The following COX15 variants were observed in gnomAD, a reference collection of about 807,000 sequenced individuals.
The protein encoded by COX15 is cytochrome c oxidase assembly factor COX15.
COX15 carries 51 observed loss-of-function variants against 51.9 expected under a neutral mutation model. That is an observed-to-expected ratio of 0.98 (90% CI 0.78 to 1.24). COX15 has a LOEUF of 1.24. Ranked by LOEUF, COX15 falls within the 50% of genes most tolerant of loss-of-function variation. The probability of loss-of-function intolerance (pLI) is 0.00; values close to 1 mark genes in which losing one functional copy is unlikely to be tolerated. For synonymous variants in COX15, 188 were observed against 190.5 expected, an observed-to-expected ratio of 0.99 and a Z score of 0.11; for missense variants, 420 against 501.1, an observed-to-expected ratio of 0.84 and a Z score of 1.55.
Position 99,713,144 on chromosome 10 carries a change from T to A in COX15, c.*1443A>T. 1 of 1,317,214 alleles carries A rather than the reference T, an allele frequency of 7.6e-7. No homozygotes were observed. The highest frequency in any genetic ancestry group is 9.7e-7 in the Non-Finnish European group (1 of 1,027,784). The allele number at this position is 1,317,214 out of a possible 1,614,324, so 81.6% of individuals were successfully genotyped here. On this transcript the variant is annotated 3_prime_UTR_variant, in exon 9 of 9. Coordinates refer to ENST00000016171, the MANE Select transcript of COX15 (RefSeq NM_078470.6). ...ACACTTCTACTGATAAAACCTGAAG[T>A]ACCACTAATTTTTCTGTTATCATAT...
intron 4 of COX15, among the ~76,000 whole-genome samples, chr10:99,725,669 T>G (rs2036926778): frequency 6.6e-6 from 1 of 152,264 alleles, no homozygotes; most frequent in East Asian, 1.9e-4. Context: ...AATCAATTCT[T>G]CTGCCTCAGC....
rs781670775 is a variant in COX15, at chr10:99,721,077, G to GA, written c.751-10dup. 72 of 1,607,276 alleles carry GA rather than the reference G, an allele frequency of 4.5e-5. No homozygotes were observed. The highest frequency in any genetic ancestry group is 5.4e-5 in the Non-Finnish European group (64 of 1,176,420). ...TGGTGGGTTTCAGGCAACTAAATATGAAAAAAAATCATTCAGTTAAACTGT... is the reference window on the plus strand; with the variant it reads ...TGGTGGGTTTCAGGCAACTAAATATGAAAAAAAAATCATTCAGTTAAACTGT... On this transcript the variant is annotated splice_polypyrimidine_tract_variant and intron_variant, in intron 5 of 8. Transcript: ENST00000016171.
chr10:99,727,367 C>T (rs1451886574), intron 3 of COX15, 74 bp downstream of exon 3: 1 of 1,583,582 alleles, frequency 6.3e-7, no homozygotes, highest in Non-Finnish European at 8.6e-7. Flanking sequence ...ATAATCTAAC[C>T]ATTCTGAAGG....
intron 4 of COX15, 66 bp downstream of exon 4, chr10:99,726,902 A>AC (rs2036970550): frequency 1.3e-6 from 2 of 1,492,968 alleles, no homozygotes; most frequent in Non-Finnish European, 1.8e-6. Context: ...AAAAAAAAAA[A>AC]AAAACAATGC....
chr10:99,727,124 G>C lies in COX15; in HGVS notation c.426C>G (p.Phe142Leu). The change falls in exon 4 of 9, where the codon TTC (phenylalanine) becomes TTG (leucine). Residue 142 changes from phenylalanine (F) to leucine (L), a missense_variant. Physicochemically the swap from Phe to Leu is conservative, Grantham distance 22. Transcript: ENST00000016171. ...ILNHDMTLTE[F>L]KFIWYMEYSH... ...AGTACTCCATGTACCAGATGAACTT[G>C]AATTCTGTCAGTGTCATATCATGAT... 6.2e-7 allele frequency: 1 copy of C among 1,614,184 alleles called. No individual in the cohort carries two copies.
Position 99,714,271 on chromosome 10 carries a change from T to C in COX15, c.*316A>G, listed in dbSNP as rs115979585. Reference sequence around the variant, plus strand: ...AACATCCACGTAGAAATCATCCACGTAGAACCAAGAGCTTGCCAACACTGA... The same window carrying C: ...AACATCCACGTAGAAATCATCCACGCAGAACCAAGAGCTTGCCAACACTGA... On this transcript the variant is annotated 3_prime_UTR_variant, in exon 9 of 9. Transcript: ENST00000016171. 3,333 of 1,192,000 alleles carry C rather than the reference T, an allele frequency of 2.8e-3. 73 individuals are homozygous for C. In the African/African-American group the frequency reaches 0.047, roughly 17 times the overall value. 73.8% of individuals were successfully genotyped at this position (1,192,000 alleles called of 1,614,324 possible).
chr10:99,716,525 G>T, intron 7 of COX15, 64 bp from the exon 8 acceptor site: 1 of 1,131,698 alleles, frequency 8.8e-7, no homozygotes, highest in Non-Finnish European at 1.3e-6. Flanking sequence ...CACCTTACAT[G>T]TATCTCCTCT....
Position 99,721,085 on chromosome 10 carries a change from AT to A in COX15, c.751-18del, listed in dbSNP as rs746209356. The A allele has an allele frequency of 4.4e-6, 7 of 1,601,116 alleles. No homozygotes were observed. The African/African-American group carries it at 9.4e-5, about 21-fold the overall frequency. Reference sequence around the variant, plus strand: ...TTCAGGCAACTAAATATGAAAAAAAATCATTCAGTTAAACTGTGTTGCAGGA... The same window carrying A: ...TTCAGGCAACTAAATATGAAAAAAAACATTCAGTTAAACTGTGTTGCAGGA... On this transcript the variant is annotated intron_variant, in intron 5 of 8. Transcript: ENST00000016171.
At chr10:99,731,845 G>GT in intron 1 of COX15, 115 bp downstream of exon 1, 2 of 1,329,360 alleles carry the variant, frequency 1.5e-6, no homozygotes, top group Non-Finnish European at 2.1e-6. Context: ...CCTATGCGTT[G>GT]TGAGTGCACT....
the COX15 span, chr10:99,696,095 T>C: frequency 1.2e-6 from 2 of 1,613,742 alleles, no homozygotes; most frequent in Non-Finnish European, 1.7e-6. Flanking sequence ...GAAGACCTTG[T>C]TCTGAATGAA....
chr10:99,712,955 A>G lies in COX15; in HGVS notation c.*1632T>C, dbSNP rs1564643073. On this transcript the variant is annotated 3_prime_UTR_variant, in exon 9 of 9. Transcript: ENST00000016171. ...TCTCCAGATGTTCTCTGCTCCAGTTAAATATCCCTAGTTCCTTCACCTATT... is the reference window on the plus strand; with the variant it reads ...TCTCCAGATGTTCTCTGCTCCAGTTGAATATCCCTAGTTCCTTCACCTATT... 5.3e-6 allele frequency: 5 copies of G among 943,198 alleles called. No homozygotes were observed. The highest frequency in any genetic ancestry group is 5.4e-5 in the Admixed American group (1 of 18,386). 58.4% of individuals were successfully genotyped at this position (943,198 alleles called of 1,614,324 possible).
In COX15 at chr10:99,714,624, AGAGCACCAGT is replaced by A; in HGVS notation, c.1186_1195del (p.Thr396PhefsTer3). 9 of 1,614,184 alleles carry A rather than the reference AGAGCACCAGT, an allele frequency of 5.6e-6. No homozygotes were observed. Among genetic ancestry groups the A allele is most frequent in the Non-Finnish European group, 7.6e-6 (9 of 1,180,026 alleles). On this transcript the variant is annotated frameshift_variant, in exon 9 of 9. Coordinates refer to ENST00000016171, the MANE Select transcript of COX15 (RefSeq NM_078470.6). LOFTEE classifies it high-confidence loss of function. ...TCTTCGGAGTTCATTCATCAGCCAA[AGAGCACCAGT>A]GAGCAAAGCCAAGGAGCCTGACTGG...
the COX15 span, among the ~76,000 whole-genome samples, chr10:99,701,570 G>A: frequency 2.0e-5 from 3 of 151,714 alleles, no homozygotes; most frequent in African/African-American, 7.3e-5. Flanking sequence ...TTACAGGTAT[G>A]AGCCACCGGG....
Position 99,711,043 on chromosome 10 carries a change from T to C in COX15, c.*3544A>G, listed in dbSNP as rs997337758. On this transcript the variant is annotated 3_prime_UTR_variant, in exon 9 of 9. Coordinates refer to ENST00000016171, the MANE Select transcript of COX15 (RefSeq NM_078470.6). ...TCTGTAATTATCCATTTTCCATTCA[T>C]GCATTCACTAATTCAATATTTGATA... The C allele has an allele frequency of 2.0e-6, 2 of 985,354 alleles. No homozygotes were observed. The highest frequency in any genetic ancestry group is 2.4e-6 in the Non-Finnish European group (2 of 829,860). 61.0% of individuals were successfully genotyped at this position (985,354 alleles called of 1,614,324 possible). A position where few individuals can be genotyped will look rare whatever the true frequency, so the allele number is the denominator to read the frequency against.
chr10:99,708,127 A>AT (rs2036288450), downstream of COX15, among the ~76,000 whole-genome samples: 1 of 152,046 alleles, frequency 6.6e-6, no homozygotes, highest in South Asian at 2.1e-4. Context: ...CCAATCTTCT[A>AT]TTTATTCTCC....
chr10:99,728,545 A>G (rs2037035232), intron 2 of COX15, among the ~76,000 whole-genome samples: 1 of 152,228 alleles, frequency 6.6e-6, no homozygotes, highest in Non-Finnish European at 1.5e-5. Context: ...TGAGCTAATA[A>G]AATATTATAA....
the COX15 span, chr10:99,702,627 T>C: frequency 4.3e-6 from 7 of 1,613,634 alleles, no homozygotes; most frequent in Non-Finnish European, 5.1e-6. Context: ...AGAGGTTCAG[T>C]GGACGCTGGG....
At chr10:99,710,385 T>A (rs914121541), downstream of COX15, 28 of 985,438 alleles carry the variant, frequency 2.8e-5, no homozygotes, top group African/African-American at 4.7e-4. Flanking sequence ...GTACTCCCCC[T>A]TTATTTCTAC....
downstream of COX15, chr10:99,708,699 G>A: frequency 2.3e-6 from 1 of 427,328 alleles, no homozygotes; most frequent in South Asian, 9.8e-5. Flanking sequence ...GTTTCTAATA[G>A]TAATCATAAT....
Sources: gnomAD v4.1 joint callset for allele counts (sites outside exome capture counted in the v4.1 genomes callset) on GRCh38, gnomAD v4.1.1 for gene constraint, MANE v1.5 for transcripts, NCBI Gene and HGNC (gene_info 2026-07-23, HGNC 2026-07-21) for gene names.